The following SGCZ variants were observed in gnomAD, a reference collection of about 807,000 sequenced individuals.
SGCZ encodes sarcoglycan zeta.
A neutral mutation model predicts 41.3 loss-of-function variants in SGCZ; 40 were observed. The observed-to-expected ratio is 0.97, with a 90% confidence interval of 0.75 to 1.26. SGCZ has a LOEUF of 1.26. Among genes scored for constraint, SGCZ ranks in the 50% most tolerant of loss-of-function variants. SGCZ has a pLI of 0.00. For missense variants in SGCZ, 552 were observed against 369.8 expected (o/e 1.49, Z -4.04); for synonymous variants, 206 against 137.5 (o/e 1.50, Z -3.49).
intron 1 of SGCZ, among the ~76,000 whole-genome samples, chr8:14,603,110 C>A (rs1360244691): frequency 6.6e-6 from 1 of 152,100 alleles, no homozygotes; most frequent in Non-Finnish European, 1.5e-5. Flanking sequence ...AGCTAGGTGG[C>A]CTGGGAGTGC....
At position 14,792,509 on chromosome 8, in the gene SGCZ, A is replaced by G. The variant is rs186139933; in HGVS notation, c.40-237583T>C. Among the ~76,000 whole-genome samples, 26 of 152,236 alleles carry G rather than the reference A, an allele frequency of 1.7e-4. No individual in the cohort carries two copies. The East Asian group carries it at 4.4e-3, about 26-fold the overall frequency. On this transcript the variant is annotated intron_variant, in intron 1 of 7. Transcript: ENST00000382080. The stretch of plus-strand genomic sequence containing the variant: ...CAATAATCTTCAAATTGTAAAATCC[A>G]ATAATCACTTGTGCCATCATTTTAC...
chr8:14,654,719 G>T (rs1161107697), intron 1 of SGCZ, among the ~76,000 whole-genome samples: 1 of 150,852 alleles, frequency 6.6e-6, no homozygotes, highest in African/African-American at 2.4e-5. Context: ...TTATAGGCAC[G>T]CACCGCCATG....
chr8:15,097,951 A>T (rs1806450229), intron 1 of SGCZ, among the ~76,000 whole-genome samples: 1 of 147,550 alleles, frequency 6.8e-6, no homozygotes, highest in South Asian at 2.2e-4. Context: ...CACCATTGCT[A>T]GAAAAACAGG....
intron 5 of SGCZ, among the ~76,000 whole-genome samples, chr8:14,109,177 T>C (rs1317776642): frequency 6.6e-6 from 1 of 152,204 alleles, no homozygotes; most frequent in Admixed American, 6.5e-5. Flanking sequence ...TCTGGTGTTA[T>C]AGTTGGTTTC....
intron 2 of SGCZ, among the ~76,000 whole-genome samples, chr8:14,329,062 G>GTTT (rs71541661): frequency 1.3e-5 from 2 of 151,100 alleles, no homozygotes; most frequent in Non-Finnish European, 3.0e-5. Flanking sequence ...TATTTTCTGC[G>GTTT]TTTTTTTTTC....
At chr8:14,186,002 A>G (rs555128139) in intron 4 of SGCZ, among the ~76,000 whole-genome samples, 7 of 152,274 alleles carry the variant, frequency 4.6e-5, no homozygotes, top group Non-Finnish European at 1.0e-4. Context: ...ATTGGATGTT[A>G]GTTTGTCCCA....
At chr8:14,524,797 G>A (rs1403334376) in intron 2 of SGCZ, among the ~76,000 whole-genome samples, 1 of 151,942 alleles carries the variant, frequency 6.6e-6, no homozygotes, top group Non-Finnish European at 1.5e-5. Flanking sequence ...TCTGTATAAT[G>A]GATTTCAATA....
chr8:14,768,969 C>A (rs933277284), intron 1 of SGCZ, among the ~76,000 whole-genome samples: 4 of 151,988 alleles, frequency 2.6e-5, no homozygotes, highest in African/African-American at 9.7e-5. Context: ...TTATTGTATT[C>A]ATATATCCAT....
chr8:14,173,963 T>C (rs940521169), intron 4 of SGCZ, among the ~76,000 whole-genome samples: 2 of 152,108 alleles, frequency 1.3e-5, no homozygotes, highest in South Asian at 2.1e-4. Flanking sequence ...AGAATGGTTA[T>C]ATTAATAACT....
chr8:14,136,267 C>T (rs1245830877), intron 5 of SGCZ, among the ~76,000 whole-genome samples: 1 of 152,136 alleles, frequency 6.6e-6, no homozygotes, highest in African/African-American at 2.4e-5. Flanking sequence ...GCATTTCCAA[C>T]TGAGGTACCG....
chr8:14,822,675 C>CT (rs1802146209), intron 1 of SGCZ, among the ~76,000 whole-genome samples: 1 of 151,972 alleles, frequency 6.6e-6, no homozygotes, highest in Non-Finnish European at 1.5e-5. Flanking sequence ...CAAATTTACC[C>CT]ACTTACAGCC....
intron 2 of SGCZ, among the ~76,000 whole-genome samples, chr8:14,408,313 TCAAA>T (rs1799266077): frequency 6.6e-6 from 1 of 152,092 alleles, no homozygotes; most frequent in Non-Finnish European, 1.5e-5. Flanking sequence ...CAGAATCTAC[TCAAA>T]CAAAAACAGC....
intron 1 of SGCZ, among the ~76,000 whole-genome samples, chr8:14,821,048 A>G (rs1334627158): frequency 6.6e-6 from 1 of 151,948 alleles, no homozygotes; most frequent in Non-Finnish European, 1.5e-5. Context: ...ATTGGTTTGT[A>G]AAAGATAAAC....
chr8:14,816,197 T>C (rs1021741572), intron 1 of SGCZ, among the ~76,000 whole-genome samples: 1 of 152,248 alleles, frequency 6.6e-6, no homozygotes, highest in African/African-American at 2.4e-5. Flanking sequence ...CAATGCAGTC[T>C]CGACATATTT....
In SGCZ at chr8:14,632,999, C is replaced by G. The variant is rs115962374; in HGVS notation, c.40-78073G>C. 8.8e-3 allele frequency among the ~76,000 whole-genome samples: 1,328 copies of G among 151,718 alleles called. 18 individuals carry two copies. Among genetic ancestry groups the G allele is most frequent in the African/African-American group, 0.03 (1,261 of 41,422 alleles). ...ATTATATATATATATTATTTTAAAA[C>G]AAATTTTAATAATTTAATCCCAAAA... On this transcript the variant is annotated intron_variant, in intron 1 of 7. Coordinates refer to ENST00000382080, the MANE Select transcript of SGCZ (RefSeq NM_139167.4).
At chr8:14,807,885 A>G (rs1477037430) in intron 1 of SGCZ, among the ~76,000 whole-genome samples, 6 of 152,158 alleles carry the variant, frequency 3.9e-5, no homozygotes, top group Non-Finnish European at 8.8e-5. Context: ...AAACAGAGAT[A>G]TAGATCAATG....
At chr8:14,211,666 A>G (rs187463002) in intron 4 of SGCZ, among the ~76,000 whole-genome samples, 20 of 152,080 alleles carry the variant, frequency 1.3e-4, no homozygotes, top group Admixed American at 1.2e-3. Context: ...AGAGAGAGAG[A>G]GAGAGTAAAA....
intron 3 of SGCZ, among the ~76,000 whole-genome samples, chr8:14,254,320 G>A (rs1160729689): frequency 3.9e-5 from 6 of 152,106 alleles, no homozygotes; most frequent in Non-Finnish European, 5.9e-5. Context: ...TTTGATCTTC[G>A]CTCTCTCAGA....
chr8:14,143,327 G>A (rs1176078682), intron 5 of SGCZ, among the ~76,000 whole-genome samples: 1 of 152,026 alleles, frequency 6.6e-6, no homozygotes, highest in Non-Finnish European at 1.5e-5. Flanking sequence ...TTTTTGTATA[G>A]CAGGAAAAAG....
Sources: gnomAD v4.1 joint callset for allele counts (sites outside exome capture counted in the v4.1 genomes callset) on GRCh38, gnomAD v4.1.1 for gene constraint, MANE v1.5 for transcripts, NCBI Gene and HGNC (gene_info 2026-07-23, HGNC 2026-07-21) for gene names.